The following PLCB1 variants were observed in gnomAD, a reference collection of about 807,000 sequenced individuals.
PLCB1 encodes 1-phosphatidylinositol 4,5-bisphosphate phosphodiesterase beta-1.
Under a neutral mutation model 161.8 loss-of-function variants are expected in PLCB1, and 46 were observed. That is an observed-to-expected ratio of 0.28 (90% confidence interval 0.22 to 0.36). PLCB1 has a LOEUF of 0.36. Among genes scored for constraint, PLCB1 ranks in the 10% least tolerant of loss-of-function variants. The probability of loss-of-function intolerance (pLI) is 1.00; values close to 1 mark genes in which losing one functional copy is unlikely to be tolerated. For missense variants in PLCB1, 1,016 were observed against 1,472.5 expected, an observed-to-expected ratio of 0.69 and a Z score of 5.07; for synonymous variants, 517 against 503.7, an observed-to-expected ratio of 1.03 and a Z score of -0.35.
intron 3 of PLCB1, among the ~76,000 whole-genome samples, chr20:8,519,807 G>A (rs1003754899): frequency 6.6e-6 from 1 of 151,970 alleles, no homozygotes; most frequent in Non-Finnish European, 1.5e-5. Flanking sequence ...TCATTTTAAG[G>A]CAATATGAGG....
At position 8,202,811 on chromosome 20, in the gene PLCB1, G is replaced by A. The variant is rs567212976; in HGVS notation, c.177+52440G>A. Reference sequence around the variant, plus strand: ...CCAGTGTCATCAACAATGTGTCGAGGGAGCACAGGGATGGAAATAATTTGT... The same window carrying A: ...CCAGTGTCATCAACAATGTGTCGAGAGAGCACAGGGATGGAAATAATTTGT... On this transcript the variant is annotated intron_variant, in intron 2 of 31. Transcript: ENST00000338037. Among the ~76,000 whole-genome samples the A allele has an allele frequency of 4.6e-5, 7 of 152,258 alleles. No individual in the cohort carries two copies. The East Asian group carries it at 1.4e-3, about 29-fold the overall frequency.
intron 31 of PLCB1, among the ~76,000 whole-genome samples, chr20:8,880,527 A>G (rs1465971426): frequency 6.6e-6 from 1 of 152,238 alleles, no homozygotes; most frequent in Non-Finnish European, 1.5e-5. Flanking sequence ...ATGAATCAAA[A>G]TAAAGTGGTG....
intron 2 of PLCB1, among the ~76,000 whole-genome samples, chr20:8,196,386 C>T (rs56361290): frequency 0.018 from 2,757 of 152,160 alleles, 102 homozygotes; most frequent in African/African-American, 0.063. Flanking sequence ...GCTGCATATT[C>T]TCCATTTTGC....
At chr20:8,666,396 A>G (rs1989813368) in intron 9 of PLCB1, among the ~76,000 whole-genome samples, 1 of 152,172 alleles carries the variant, frequency 6.6e-6, no homozygotes. Context: ...AAGATGGGTA[A>G]GGTCAGAGTT....
chr20:8,669,903 C>T (rs1179864678), intron 9 of PLCB1, among the ~76,000 whole-genome samples: 2 of 152,206 alleles, frequency 1.3e-5, no homozygotes, highest in African/African-American at 2.4e-5. Flanking sequence ...CTTGCTCATA[C>T]AACGCCAATG....
chr20:8,461,843 C>T (rs925967306), intron 3 of PLCB1, among the ~76,000 whole-genome samples: 1 of 152,010 alleles, frequency 6.6e-6, no homozygotes, highest in African/African-American at 2.4e-5. Context: ...ATTTAATTCC[C>T]TCATAAAAAT....
chr20:8,667,480 C>A (rs1027677003), intron 9 of PLCB1, among the ~76,000 whole-genome samples: 2 of 152,178 alleles, frequency 1.3e-5, no homozygotes, highest in African/African-American at 4.8e-5. Flanking sequence ...CTTTGCTTTC[C>A]TTTCCGTTAT....
rs1986903861 is a variant in PLCB1 at position 8,371,528 on chromosome 20, C to A, written c.246+78C>A. 9 of 974,330 alleles carry A rather than the reference C, an allele frequency of 9.2e-6. No homozygotes were observed. The South Asian group carries it at 1.3e-4, about 14-fold the overall frequency. The allele number at this position is 974,330 out of a possible 1,614,324, so 60.4% of individuals were successfully genotyped here. A position where few individuals can be genotyped will look rare whatever the true frequency, so the allele number is the denominator to read the frequency against. ...GTGTCACAATATCAATTAATTGCCC[C>A]AATTAAAAGTTTCTATGTTATAGAT... On this transcript the variant is annotated intron_variant, in intron 3 of 31. Transcript: ENST00000338037.
intron 3 of PLCB1, among the ~76,000 whole-genome samples, chr20:8,490,759 C>T (rs542472188): frequency 1.3e-5 from 2 of 151,988 alleles, no homozygotes; most frequent in East Asian, 3.9e-4. Flanking sequence ...TATTTGCCAT[C>T]CCAGTTTCTT....
intron 23 of PLCB1, among the ~76,000 whole-genome samples, chr20:8,755,114 GCT>G (rs1023946799): frequency 4.6e-5 from 7 of 152,138 alleles, no homozygotes; most frequent in African/African-American, 1.7e-4. Context: ...GCTACTAAGG[GCT>G]CTTCCAGCAT....
At chr20:8,468,236 AGTT>A (rs1981904173) in intron 3 of PLCB1, among the ~76,000 whole-genome samples, 2 of 152,192 alleles carry the variant, frequency 1.3e-5, no homozygotes, top group South Asian at 4.1e-4. Context: ...TCTAGGTAGT[AGTT>A]ATAAGTCTGT....
intron 2 of PLCB1, among the ~76,000 whole-genome samples, chr20:8,225,086 C>A (rs1037899017): frequency 6.6e-6 from 1 of 152,190 alleles, no homozygotes; most frequent in African/African-American, 2.4e-5. Flanking sequence ...TCTCTGCTGT[C>A]CCCAAGGCAA....
chr20:8,667,422 A>G (rs1989839975), intron 9 of PLCB1, among the ~76,000 whole-genome samples: 1 of 152,190 alleles, frequency 6.6e-6, no homozygotes, highest in Non-Finnish European at 1.5e-5. Context: ...AAAATTTTTC[A>G]AGATCGTCAT....
intron 27 of PLCB1, among the ~76,000 whole-genome samples, chr20:8,778,225 G>A (rs1983039668): frequency 6.6e-6 from 1 of 152,134 alleles, no homozygotes; most frequent in South Asian, 2.1e-4. Flanking sequence ...CCTGAAAGAG[G>A]AATTCAGAGT....
At chr20:8,431,087 A>C (rs1980019815) in intron 3 of PLCB1, among the ~76,000 whole-genome samples, 1 of 151,986 alleles carries the variant, frequency 6.6e-6, no homozygotes, top group African/African-American at 2.4e-5. Flanking sequence ...TATTAATTAA[A>C]TATGTATTAG....
At chr20:8,682,561 G>T (rs1162630213) in intron 9 of PLCB1, among the ~76,000 whole-genome samples, 5 of 152,184 alleles carry the variant, frequency 3.3e-5, no homozygotes, top group African/African-American at 1.2e-4. Context: ...GGGAAAAGCA[G>T]TCATCGGTCA....
intron 3 of PLCB1, among the ~76,000 whole-genome samples, chr20:8,435,004 C>T (rs1419392697): frequency 6.6e-6 from 1 of 152,200 alleles, no homozygotes; most frequent in African/African-American, 2.4e-5. Flanking sequence ...AGGAATTGTG[C>T]TGGGACCATG....
chr20:8,569,419 A>G (rs1401676130), intron 3 of PLCB1, among the ~76,000 whole-genome samples: 2 of 152,232 alleles, frequency 1.3e-5, no homozygotes, highest in Non-Finnish European at 2.9e-5. Flanking sequence ...AAATTTTTAT[A>G]AAACTGTGAT....
At chr20:8,643,064 G>A (rs6039218) in intron 4 of PLCB1, among the ~76,000 whole-genome samples, 17 of 152,314 alleles carry the variant, frequency 1.1e-4, no homozygotes, top group African/African-American at 4.1e-4. Context: ...AGCTTGGTGA[G>A]CAATAATTTT....
Sources: gnomAD v4.1 joint callset for allele counts (sites outside exome capture counted in the v4.1 genomes callset) on GRCh38, gnomAD v4.1.1 for gene constraint, MANE v1.5 for transcripts, NCBI Gene and HGNC (gene_info 2026-07-23, HGNC 2026-07-21) for gene names.